The following CACNA1C variants were observed in gnomAD, a reference collection of about 807,000 sequenced individuals.
CACNA1C encodes the protein calcium voltage-gated channel subunit alpha1 C, also known as voltage-dependent L-type calcium channel subunit alpha-1C.
Under a neutral mutation model 229.0 loss-of-function variants are expected in CACNA1C, and 30 were observed. The observed-to-expected ratio is 0.13, with a 90% CI of 0.10 to 0.18. The LOEUF is 0.18. Ranked by LOEUF, CACNA1C falls within the 10% of genes least tolerant of loss-of-function variation. CACNA1C has a pLI of 1.00. For synonymous variants in CACNA1C, 1,114 were observed against 1,132.5 expected (o/e 0.98, Z 0.33); for missense variants, 1,658 against 2,845.0 (o/e 0.58, Z 9.49).
rs374558988 is a variant in CACNA1C, at chr12:2,680,493, G to A, written c.5444+697G>A. The A allele has an allele frequency of 1.1e-5, 17 of 1,569,864 alleles. No individual in the cohort carries two copies. In the East Asian group the frequency reaches 1.4e-4, roughly 13 times the overall value. On this transcript the variant is annotated intron_variant, in intron 42 of 46. Coordinates refer to ENST00000399655, the MANE Select transcript of CACNA1C (RefSeq NM_000719.7). ...GCTGAGAGAGGACACACCCTGCATC[G>A]TGCCTGGCCACGCTTCACTGTGCTG...
intron 3 of CACNA1C, chr12:2,269,724 GAGGGGC>G (rs2083998320): frequency 6.6e-6 from 1 of 152,236 alleles, no homozygotes; most frequent in Non-Finnish European, 1.5e-5. Context: ...AGAGTTTCTT[GAGGGGC>G]ATATTTATGG....
chr12:2,277,840 A>G (rs910753117), intron 3 of CACNA1C, among the ~76,000 whole-genome samples: 1 of 152,226 alleles, frequency 6.6e-6, no homozygotes, highest in Non-Finnish European at 1.5e-5. Context: ...TTAATACTTC[A>G]TTACTGGACC....
At position 2,285,495 on chromosome 12, in the gene CACNA1C, C is replaced by T. The variant is rs1447393818; in HGVS notation, c.478-163481C>T. On this transcript the variant is annotated intron_variant, in intron 3 of 46. Transcript: ENST00000399655. This position sits in a 1 kb window ranked among gnomAD's most constrained non-coding sequence, Gnocchi z 4.2. Reference sequence around the variant, plus strand: ...TTCCTTCCTTGCCCATAGCCTGTGCCGGCTACAACTCAGGAGCTTTTGGAA... The same window carrying T: ...TTCCTTCCTTGCCCATAGCCTGTGCTGGCTACAACTCAGGAGCTTTTGGAA... Among the ~76,000 whole-genome samples, 4 of 152,214 alleles carry T rather than the reference C, an allele frequency of 2.6e-5. No individual in the cohort carries two copies. The highest frequency in any genetic ancestry group is 4.8e-5 in the African/African-American group (2 of 41,520).
At chr12:2,600,653 C>G (rs564652830) in intron 21 of CACNA1C, among the ~76,000 whole-genome samples, 1 of 152,214 alleles carries the variant, frequency 6.6e-6, no homozygotes, top group Non-Finnish European at 1.5e-5. Context: ...ACCTGCAGTG[C>G]GCAGCTTTAC....
rs569041270 is a variant in CACNA1C, at chr12:2,135,832, C to T, written c.477+15402C>T. Among the ~76,000 whole-genome samples, 916 of 145,078 alleles carry T rather than the reference C, an allele frequency of 6.3e-3. 15 individuals carry two copies. The highest frequency in any genetic ancestry group is 0.019 in the African/African-American group (695 of 36,150). ...GGCCTCCTTGAGCTGTGGTAGGCTC[C>T]ACCCAGTTCGAGCTTCCCGGCTGCT... On this transcript the variant is annotated intron_variant, in intron 3 of 46. Transcript: ENST00000399655.
chr12:2,551,450 C>T (rs117815093), intron 10 of CACNA1C, among the ~76,000 whole-genome samples: 10 of 152,324 alleles, frequency 6.6e-5, no homozygotes, highest in African/African-American at 1.2e-4. Context: ...TAGCCACATT[C>T]GTACTCTGTG....
At chr12:2,010,247 A>G (rs2044171137) in intron 1 of CACNA1C, among the ~76,000 whole-genome samples, 1 of 152,230 alleles carries the variant, frequency 6.6e-6, no homozygotes, top group South Asian at 2.1e-4. Context: ...AACTTCACAG[A>G]GGAAGATAAA....
rs1034816622 is a variant in CACNA1C, at chr12:2,559,026, C to T, written c.1508+2049C>T. Among the ~76,000 whole-genome samples, 31 of 152,082 alleles carry T rather than the reference C, an allele frequency of 2.0e-4. 1 individual carries two copies. The highest frequency in any genetic ancestry group is 6.5e-4 in the African/African-American group (27 of 41,494). On this transcript the variant is annotated intron_variant, in intron 11 of 46. Coordinates refer to ENST00000399655, the MANE Select transcript of CACNA1C (RefSeq NM_000719.7). ...ATCTGGAGAAGTGGCTGGTACATAA[C>T]AAGAACCTAATAAATATTTGCTGGG...
rs111360313 is a variant in CACNA1C at position 2,512,005 on chromosome 12, G to A, written c.1218-807G>A. ...GGCAGCCCCCAGGACATTTTCTTGT[G>A]TTTGGAATCTTCATTTGTCTTCATG... is the stretch of plus-strand genomic sequence containing the variant. On this transcript the variant is annotated intron_variant, in intron 8 of 46. Transcript: ENST00000399655. The surrounding 1 kb of genome is among the most constrained non-coding windows in gnomAD (Gnocchi z 4.3). 3.3e-5 allele frequency among the ~76,000 whole-genome samples: 5 copies of A among 152,132 alleles called. No homozygotes were observed. Among genetic ancestry groups the A allele is most frequent in the Non-Finnish European group, 7.4e-5 (5 of 68,026 alleles).
At chr12:2,090,310 CTTTTTTTTTTTTT>C (rs145675982) in intron 1 of CACNA1C, among the ~76,000 whole-genome samples, 2 of 69,188 alleles carry the variant, frequency 2.9e-5, no homozygotes, top group Non-Finnish European at 5.1e-5. Context: ...GGATAGACTA[CTTTTTTTTTTTTT>C]TTTTTTTTTT....
chr12:2,187,244 G>T (rs2097060856), intron 3 of CACNA1C, among the ~76,000 whole-genome samples: 1 of 152,196 alleles, frequency 6.6e-6, no homozygotes, highest in Non-Finnish European at 1.5e-5. Context: ...GCCTGGGGTG[G>T]CACTGCCTAG....
intron 3 of CACNA1C, among the ~76,000 whole-genome samples, chr12:2,206,150 C>T (rs912485869): frequency 3.3e-5 from 5 of 152,224 alleles, no homozygotes; most frequent in African/African-American, 1.2e-4. Flanking sequence ...CCGCGTAAAC[C>T]GTGTCTGCAG....
chr12:2,653,780 G>A lies in CACNA1C; in HGVS notation c.4075-55G>A. ...GGGATGCGGCGCTCCCTGGGAAGGG[G>A]CCCAGCTGGCCTCTGCACTCCAGCC... On this transcript the variant is annotated intron_variant, in intron 32 of 46. Transcript: ENST00000399655. The surrounding 1 kb of genome is among the most constrained non-coding windows in gnomAD (Gnocchi z 4.7). The A allele has an allele frequency of 6.7e-7, 1 of 1,500,618 alleles. No individual in the cohort carries two copies. Among genetic ancestry groups the A allele is most frequent in the Non-Finnish European group, 9.3e-7 (1 of 1,079,652 alleles). 93.0% of individuals were successfully genotyped at this position (1,500,618 alleles called of 1,614,324 possible).
intron 18 of CACNA1C, among the ~76,000 whole-genome samples, chr12:2,587,444 G>T (rs1489716877): frequency 1.3e-5 from 2 of 152,242 alleles, no homozygotes; most frequent in East Asian, 3.8e-4. Flanking sequence ...GGCAGATCTA[G>T]CATGAGGGTC....
At chr12:2,214,826 G>A (rs1361569047) in intron 3 of CACNA1C, among the ~76,000 whole-genome samples, 1 of 144,958 alleles carries the variant, frequency 6.9e-6, no homozygotes, top group Admixed American at 6.9e-5. Flanking sequence ...TGATGGACAT[G>A]TGAGGTTCCT....
At chr12:2,051,806 A>G (rs2052290586), upstream of CACNA1C, among the ~76,000 whole-genome samples, 2 of 152,230 alleles carry the variant, frequency 1.3e-5, no homozygotes, top group South Asian at 4.1e-4. Flanking sequence ...GTTTGGATGT[A>G]TTAGGCTTGA....
rs370471203 is a variant in CACNA1C at position 2,679,756 on chromosome 12, A to G, written c.5404A>G (p.Ile1802Val). 1.3e-5 allele frequency: 21 copies of G among 1,592,556 alleles called. No individual in the cohort carries two copies. The highest frequency in any genetic ancestry group is 1.7e-5 in the Non-Finnish European group (20 of 1,168,886). Residue 1802 changes from isoleucine to valine, a missense_variant, in exon 42 of 47, where the codon ATC (isoleucine) becomes GTC (valine). Around this residue, in one of 20 missense-constraint regions of CACNA1C, gnomAD observed 590 missense variants for 700.8 expected, o/e 0.84. Transcript: ENST00000399655. This position sits in a 1 kb window ranked among gnomAD's most constrained non-coding sequence, Gnocchi z 5.5. The stretch of plus-strand genomic sequence containing the variant: ...CCACGGGCCCCCCTTGTCCCCTGCC[A>G]TCCGGGTGCAGGAGGTGGCGTGGAA... Reference protein sequence around the residue: ...EGHGPPLSPAIRVQEVAWKLS... With the variant: ...EGHGPPLSPAVRVQEVAWKLS...
chr12:2,359,462 C>T (rs892399717), intron 3 of CACNA1C, among the ~76,000 whole-genome samples: 6 of 152,098 alleles, frequency 3.9e-5, no homozygotes, highest in Admixed American at 2.6e-4. Context: ...CCCTCTTTCC[C>T]GGATTGCTGT....
intron 3 of CACNA1C, among the ~76,000 whole-genome samples, chr12:2,369,793 A>G (rs977301692): frequency 4.6e-5 from 7 of 152,176 alleles, no homozygotes; most frequent in Admixed American, 1.3e-4. Context: ...GACTTGGGGG[A>G]AAAAGACTAT....
Sources: allele counts gnomAD v4.1 joint callset (sites outside exome capture counted in the v4.1 genomes callset), GRCh38; gene constraint gnomAD v4.1.1; regional missense constraint gnomAD v4.1.1; non-coding constraint Gnocchi (gnomAD v3.1); transcripts MANE v1.5; gene names NCBI Gene and HGNC (gene_info 2026-07-23, HGNC 2026-07-21).